Variants in ZNF471 observed in about 807,000 individuals in gnomAD.
The protein encoded by ZNF471 is EZFIT-related protein 1.
A neutral mutation model predicts 13.7 loss-of-function variants in ZNF471; 7 were observed. That is an observed-to-expected ratio of 0.51 (90% CI 0.29 to 0.96). The LOEUF (loss-of-function observed/expected upper bound fraction) is 0.96. Among genes scored for constraint, ZNF471 ranks in the 40% least tolerant of loss-of-function variants. The pLI is 0.08. For synonymous variants in ZNF471, 218 were observed against 235.6 expected (o/e 0.93, Z 0.68); for missense variants, 663 against 743.3 (o/e 0.89, Z 1.26).
At chr19:56,515,112 A>G (rs1028967924) in intron 2 of ZNF471, among the ~76,000 whole-genome samples, 3 of 152,204 alleles carry the variant, frequency 2.0e-5, no homozygotes, top group African/African-American at 7.2e-5. Context: ...ATGCATACAT[A>G]TATGTAAAGT....
Position 56,524,226 on chromosome 19 carries a change from G to A in ZNF471, c.257-98G>A. On this transcript the variant is annotated intron_variant, in intron 4 of 4. Coordinates refer to ENST00000308031, the MANE Select transcript of ZNF471 (RefSeq NM_020813.4). The surrounding 1 kb of genome is among the most constrained non-coding windows in gnomAD (Gnocchi z 4.8). ...CATGCCTGTACATAACAGGTTTTGTGAGATTTATTAAATATTTTTAAATTA... is the reference window on the plus strand; with the variant it reads ...CATGCCTGTACATAACAGGTTTTGTAAGATTTATTAAATATTTTTAAATTA... The A allele has an allele frequency of 1.1e-6, 1 of 906,010 alleles. No homozygotes were observed. The highest frequency in any genetic ancestry group is 1.6e-6 in the Non-Finnish European group (1 of 619,386). 56.1% of individuals were successfully genotyped at this position (906,010 alleles called of 1,614,324 possible).
chr19:56,525,758 T>G lies in ZNF471; in HGVS notation c.1691T>G (p.Ile564Ser). The G allele has an allele frequency of 6.2e-7, 1 of 1,613,816 alleles. No homozygotes were observed. The change falls in exon 5 of 5, where the codon ATT (isoleucine) becomes AGT (serine). Residue 564 changes from isoleucine to serine, a missense_variant. By Grantham distance (142) the Ile-to-Ser change is moderately radical (BLOSUM62 -2). Transcript: ENST00000308031. Reference sequence around the variant, plus strand: ...TCCAATCTTACTCAACATCAAAGAATTCATACTGGAGAGAAACCCTATAAA... The same window carrying G: ...TCCAATCTTACTCAACATCAAAGAAGTCATACTGGAGAGAAACCCTATAAA... ...QTSNLTQHQR[I>S]HTGEKPYKCT...
chr19:56,521,236 G>A (rs1001599570), intron 4 of ZNF471, among the ~76,000 whole-genome samples: 3 of 152,158 alleles, frequency 2.0e-5, no homozygotes, highest in African/African-American at 7.2e-5. Context: ...TACCCACTAT[G>A]TGGTACAGTC....
chr19:56,523,323 C>T (rs2043998319), intron 4 of ZNF471, among the ~76,000 whole-genome samples: 2 of 151,226 alleles, frequency 1.3e-5, no homozygotes, highest in Admixed American at 1.3e-4. Flanking sequence ...GATCATGCCA[C>T]TGCACTCCAG....
Position 56,525,313 on chromosome 19 carries a change from TCATCCCGTACTGTA to T in ZNF471, c.1251_1264del (p.Arg418GlufsTer10). 6.2e-7 allele frequency: 1 copy of T among 1,611,728 alleles called. No homozygotes were observed. The highest frequency in any genetic ancestry group is 1.1e-5 in the South Asian group (1 of 90,830). On this transcript the variant is annotated frameshift_variant, in exon 5 of 5. Transcript: ENST00000308031. LOFTEE classifies it low-confidence loss of function (END_TRUNC). ...GTGTGGAAAAACCTTCAGCTCGGGT[TCATCCCGTACTGTA>T]CATCAGAGAATTCATACAGGAGAGA... is the stretch of plus-strand genomic sequence containing the variant.
At position 56,510,827 on chromosome 19, in the gene ZNF471, G is replaced by A. The variant is rs923323734; in HGVS notation, c.-55-690G>A. ...TCCTGTCCCCAGTCCAAGGGTTTCA[G>A]TAAGAAGCAAAGCTGGGGTGACTGA... On this transcript the variant is annotated intron_variant, in intron 1 of 4. Coordinates refer to ENST00000308031, the MANE Select transcript of ZNF471 (RefSeq NM_020813.4). The surrounding 1 kb of genome is among the most constrained non-coding windows in gnomAD (Gnocchi z 4.3). The A allele has an allele frequency of 1.0e-6, 1 of 985,470 alleles. No individual in the cohort carries two copies. Among genetic ancestry groups the A allele is most frequent in the East Asian group, 1.1e-4 (1 of 8,802 alleles). The allele number at this position is 985,470 out of a possible 1,614,324, so 61.0% of individuals were successfully genotyped here.
Position 56,511,525 on chromosome 19 carries a change from T to G in ZNF471, c.-47T>G. On this transcript the variant is annotated 5_prime_UTR_variant, in exon 2 of 5. Transcript: ENST00000308031. ...CCTTTCCCTTCCTTCAGCCTTGCCC[T>G]CCCAAGACACTGTTCTTCAAGAGAA... 1 of 1,612,966 alleles carries G rather than the reference T, an allele frequency of 6.2e-7. No homozygotes were observed. Among genetic ancestry groups the G allele is most frequent in the Non-Finnish European group, 8.5e-7 (1 of 1,179,400 alleles).
Position 56,525,441 on chromosome 19 carries a change from G to A in ZNF471, c.1374G>A (p.Pro458=), listed in dbSNP as rs150139976. ...AAAGAGTACATTCTGGAGAGAAACC[G>A]TATGAATGCAAGGAATGTGGGAAAG... ...QHQRVHSGEK[P]YECKECGKAF... The change falls in exon 5 of 5, where the codon CCG becomes CCA. Residue 458 remains proline, a synonymous_variant. Transcript: ENST00000308031. 2.1e-4 allele frequency: 339 copies of A among 1,613,906 alleles called. No homozygotes were observed. Among genetic ancestry groups the A allele is most frequent in the Admixed American group, 3.5e-4 (21 of 60,000 alleles).
rs958575210 is a variant in ZNF471, at chr19:56,522,791, C to CAATG, written c.257-1532_257-1529dup. Among the ~76,000 whole-genome samples, 1 of 150,370 alleles carries CAATG rather than the reference C, an allele frequency of 6.7e-6. No homozygotes were observed. The highest frequency in any genetic ancestry group is 1.5e-5 in the Non-Finnish European group (1 of 67,830). On this transcript the variant is annotated intron_variant, in intron 4 of 4. Transcript: ENST00000308031. This position sits in a 1 kb window ranked among gnomAD's most constrained non-coding sequence, Gnocchi z 4.1. The stretch of plus-strand genomic sequence containing the variant: ...CATTCTTGTCACCCAGGCTGGAGTG[C>CAATG]AATGGCACAGTCTTGGCTCACTGCA...
chr19:56,523,472 T>C (rs1042042117), intron 4 of ZNF471, among the ~76,000 whole-genome samples: 1 of 152,030 alleles, frequency 6.6e-6, no homozygotes, highest in Non-Finnish European at 1.5e-5. Context: ...CAGGGAACTC[T>C]GAGAATTGGA....
intron 1 of ZNF471, chr19:56,511,102 T>C (rs1600505044): frequency 1.1e-5 from 10 of 942,652 alleles, no homozygotes; most frequent in Non-Finnish European, 1.3e-5. Flanking sequence ...TTTGTTTTTT[T>C]TTTTTTCCCA....
At chr19:56,519,667 T>G (rs1157330313) in intron 4 of ZNF471, among the ~76,000 whole-genome samples, 1 of 152,244 alleles carries the variant, frequency 6.6e-6, no homozygotes, top group Non-Finnish European at 1.5e-5. Flanking sequence ...TGTTTGATCT[T>G]TTGGAATAAT....
In ZNF471 at chr19:56,516,167, T is replaced by C. The variant is rs1053895000; in HGVS notation, c.34-108T>C. ...GCTTGGATCTTCCTATTTATGTTTT[T>C]TCTCTTCTATGAGTTATTTCTCACC... On this transcript the variant is annotated intron_variant, in intron 2 of 4. Transcript: ENST00000308031. The surrounding 1 kb of genome is among the most constrained non-coding windows in gnomAD (Gnocchi z 4.4). 10 of 1,151,046 alleles carry C rather than the reference T, an allele frequency of 8.7e-6. No individual in the cohort carries two copies. In the Admixed American group the frequency reaches 2.2e-4, roughly 25 times the overall value. 71.3% of individuals were successfully genotyped at this position (1,151,046 alleles called of 1,614,324 possible).
chr19:56,521,638 CAA>C (rs372849279), intron 4 of ZNF471, among the ~76,000 whole-genome samples: 1 of 82,096 alleles, frequency 1.2e-5, no homozygotes. Flanking sequence ...GACTCTGTCT[CAA>C]AAAAAAAAAA....
intron 4 of ZNF471, among the ~76,000 whole-genome samples, chr19:56,520,759 T>A (rs575683072): frequency 1.3e-5 from 2 of 152,294 alleles, no homozygotes; most frequent in South Asian, 4.2e-4. Flanking sequence ...TGGGCCTTGA[T>A]CTTGGATTTC....
intron 4 of ZNF471, among the ~76,000 whole-genome samples, chr19:56,519,119 G>T (rs1247669741): frequency 6.6e-6 from 1 of 151,978 alleles, no homozygotes; most frequent in Non-Finnish European, 1.5e-5. Context: ...GAGATACCCA[G>T]GGTATGTTTC....
At chr19:56,515,867 A>T (rs73629920) in intron 2 of ZNF471, among the ~76,000 whole-genome samples, 1 of 152,174 alleles carries the variant, frequency 6.6e-6, no homozygotes, top group African/African-American at 2.4e-5. Flanking sequence ...GCATTCTTAA[A>T]CATGTTTTTA....
At chr19:56,507,965 A>C in intron 1 of ZNF471, 45 bp downstream of exon 1, 1 of 986,124 alleles carries the variant, frequency 1.0e-6, no homozygotes, top group Non-Finnish European at 1.2e-6. Flanking sequence ...GGGCTGGGCC[A>C]GGAAGGGCAG....
chr19:56,526,287 A>C lies in ZNF471; in HGVS notation c.*339A>C, dbSNP rs888948910. ...AGTCGGGGATCTCCCTCCCCTAGCC[A>C]AGGGAAGCCATGAGGGACTGTGCCA... On this transcript the variant is annotated 3_prime_UTR_variant, in exon 5 of 5. Coordinates refer to ENST00000308031, the MANE Select transcript of ZNF471 (RefSeq NM_020813.4). The C allele has an allele frequency of 2.8e-5, 6 of 214,192 alleles. No homozygotes were observed. Among genetic ancestry groups the C allele is most frequent in the African/African-American group, 1.4e-4 (6 of 43,520 alleles). The allele number at this position is 214,192 out of a possible 1,614,324, so 13.3% of individuals were successfully genotyped here.
Sources: allele counts gnomAD v4.1 joint callset (sites outside exome capture counted in the v4.1 genomes callset), GRCh38; gene constraint gnomAD v4.1.1; non-coding constraint Gnocchi (gnomAD v3.1); transcripts MANE v1.5; gene names NCBI Gene and HGNC (gene_info 2026-07-23, HGNC 2026-07-21).